The following ZFPM2 variants were observed in gnomAD, a reference collection of about 807,000 sequenced individuals.
The protein encoded by ZFPM2 is zinc finger protein, FOG family member 2, also known as zinc finger protein ZFPM2.
In ZFPM2, 20 loss-of-function variants were observed where a neutral mutation model predicts 98.6. The ratio of observed to expected loss-of-function variants is 0.20; its 90% confidence interval spans 0.14 to 0.29. The LOEUF (loss-of-function observed/expected upper bound fraction) is 0.29, where lower values mean the gene tolerates loss of function less well. Among genes scored for constraint, ZFPM2 ranks in the 10% least tolerant of loss-of-function variants. The pLI is 1.00. For synonymous variants in ZFPM2, 518 were observed against 502.7 expected, an observed-to-expected ratio of 1.03 and a Z score of -0.41; for missense variants, 1,310 against 1,388.6, an observed-to-expected ratio of 0.94 and a Z score of 0.90.
At position 105,419,407 on chromosome 8, in the gene ZFPM2, C is replaced by T. The variant is rs141007161; in HGVS notation, c.199+105C>T. Reference sequence around the variant, plus strand: ...TCAGAGTGCTGACACATAATTCAGCCGTCTGAAAATAAGTGCAGATTTTTT... The same window carrying T: ...TCAGAGTGCTGACACATAATTCAGCTGTCTGAAAATAAGTGCAGATTTTTT... On this transcript the variant is annotated intron_variant, in intron 2 of 7. Coordinates refer to ENST00000407775, the MANE Select transcript of ZFPM2 (RefSeq NM_012082.4). 519 of 1,359,444 alleles carry T rather than the reference C, an allele frequency of 3.8e-4. 1 individual carries two copies. The African/African-American group carries it at 6.3e-3, about 16-fold the overall frequency. 84.2% of individuals were successfully genotyped at this position (1,359,444 alleles called of 1,614,324 possible).
chr8:105,616,267 A>G (rs535112421), intron 4 of ZFPM2, among the ~76,000 whole-genome samples: 1 of 152,282 alleles, frequency 6.6e-6, no homozygotes, highest in African/African-American at 2.4e-5. Flanking sequence ...ATAGTAGTGT[A>G]TTATTTTATA....
chr8:105,432,694 A>T (rs1812044203), intron 2 of ZFPM2, among the ~76,000 whole-genome samples: 1 of 152,162 alleles, frequency 6.6e-6, no homozygotes, highest in African/African-American at 2.4e-5. Context: ...TCTTCCTCTG[A>T]TGGGAATGAT....
intron 4 of ZFPM2, among the ~76,000 whole-genome samples, chr8:105,614,670 C>T (rs896980751): frequency 4.6e-5 from 7 of 152,018 alleles, no homozygotes; most frequent in Non-Finnish European, 5.9e-5. Context: ...TATTGGAACG[C>T]GGGACCCTAT....
At chr8:105,319,329 ATTG>A (rs1333484093) in intron 1 of ZFPM2, among the ~76,000 whole-genome samples, 2 of 151,988 alleles carry the variant, frequency 1.3e-5, no homozygotes, top group African/African-American at 2.4e-5. Flanking sequence ...GACGCTTATT[ATTG>A]TTGTTGTCAT....
chr8:105,558,094 C>T (rs2130689252), intron 3 of ZFPM2, among the ~76,000 whole-genome samples: 1 of 152,148 alleles, frequency 6.6e-6, no homozygotes, highest in African/African-American at 2.4e-5. Context: ...GTGCAGTAAT[C>T]TTTCCTCTAT....
chr8:105,693,386 C>G (rs1033728421), intron 5 of ZFPM2, among the ~76,000 whole-genome samples: 1 of 152,152 alleles, frequency 6.6e-6, no homozygotes, highest in African/African-American at 2.4e-5. Context: ...CAGCTGCATC[C>G]TAAGTTACAT....
intron 1 of ZFPM2, among the ~76,000 whole-genome samples, chr8:105,363,053 A>C (rs1158357969): frequency 1.3e-5 from 2 of 152,322 alleles, no homozygotes; most frequent in African/African-American, 4.8e-5. Context: ...GATTCATGAA[A>C]GTGATCAAGA....
At chr8:105,381,794 A>AATT (rs1297414402) in intron 1 of ZFPM2, among the ~76,000 whole-genome samples, 2 of 152,162 alleles carry the variant, frequency 1.3e-5, no homozygotes, top group Non-Finnish European at 1.5e-5. Flanking sequence ...CTGAAGCTTC[A>AATT]AGTGTTTACG....
chr8:105,795,608 TA>T (rs200499086), intron 6 of ZFPM2: 11,580 of 169,830 alleles, frequency 0.068, 93 homozygotes, highest in South Asian at 0.16. Context: ...GCAAAAAGGT[TA>T]AAAAAAAAAA....
At chr8:105,383,948 A>G (rs1810936378) in intron 1 of ZFPM2, among the ~76,000 whole-genome samples, 1 of 152,176 alleles carries the variant, frequency 6.6e-6, no homozygotes, top group Admixed American at 6.5e-5. Flanking sequence ...CTGCCTAGGT[A>G]TTAATATAAA....
At chr8:105,354,399 C>A (rs1201160084) in intron 1 of ZFPM2, among the ~76,000 whole-genome samples, 1 of 152,192 alleles carries the variant, frequency 6.6e-6, no homozygotes, top group Non-Finnish European at 1.5e-5. Flanking sequence ...AAAGATTTAG[C>A]TGATCCATAA....
chr8:105,441,420 AAAAG>A lies in ZFPM2; in HGVS notation c.200-2846_200-2843del, dbSNP rs1332057816. 1.3e-4 allele frequency among the ~76,000 whole-genome samples: 15 copies of A among 118,896 alleles called. 1 individual carries two copies. The highest frequency in any genetic ancestry group is 3.7e-4 in the Admixed American group (4 of 10,924). 78.0% of individuals were successfully genotyped at this position (118,896 alleles called of 152,430 possible). On this transcript the variant is annotated intron_variant, in intron 2 of 7. Coordinates refer to ENST00000407775, the MANE Select transcript of ZFPM2 (RefSeq NM_012082.4). ...AGTGAAAACTCTGTCTCAACAAAAAAAAAGAAAGAAAGAAAGAGAGAGAGAGAGA... is the reference window on the plus strand; with the variant it reads ...AGTGAAAACTCTGTCTCAACAAAAAAAAAGAAAGAAAGAGAGAGAGAGAGA...
intron 2 of ZFPM2, among the ~76,000 whole-genome samples, chr8:105,421,156 C>T (rs1258445016): frequency 6.6e-6 from 1 of 151,898 alleles, no homozygotes; most frequent in Non-Finnish European, 1.5e-5. Flanking sequence ...AGTCTTAACT[C>T]ATGAAAAATA....
intron 5 of ZFPM2, among the ~76,000 whole-genome samples, chr8:105,724,340 A>T (rs991854466): frequency 6.6e-6 from 1 of 151,874 alleles, no homozygotes; most frequent in Non-Finnish European, 1.5e-5. Flanking sequence ...TCTATGATAT[A>T]TATCAAGCAA....
intron 1 of ZFPM2, among the ~76,000 whole-genome samples, chr8:105,360,628 C>T: frequency 7.5e-6 from 1 of 133,998 alleles, no homozygotes; most frequent in Non-Finnish European, 1.6e-5. Context: ...CCCCCCTCCC[C>T]CGACCCCACA....
At chr8:105,697,154 C>T (rs1231427932) in intron 5 of ZFPM2, among the ~76,000 whole-genome samples, 1 of 152,172 alleles carries the variant, frequency 6.6e-6, no homozygotes, top group East Asian at 1.9e-4. Context: ...TGCAGTCTTA[C>T]TGTGATACTT....
At chr8:105,675,843 C>T (rs1810443566) in intron 5 of ZFPM2, 1 of 152,122 alleles carries the variant, frequency 6.6e-6, no homozygotes, top group Non-Finnish European at 1.5e-5. Flanking sequence ...ACTTTATAAT[C>T]TTTCTTTTTA....
intron 5 of ZFPM2, among the ~76,000 whole-genome samples, chr8:105,648,641 T>C (rs1053838594): frequency 6.6e-6 from 1 of 152,208 alleles, no homozygotes; most frequent in African/African-American, 2.4e-5. Context: ...GGGAATCCTT[T>C]CCCCATTTCT....
At chr8:105,456,580 G>A (rs1812597124) in intron 3 of ZFPM2, among the ~76,000 whole-genome samples, 1 of 152,044 alleles carries the variant, frequency 6.6e-6, no homozygotes, top group Non-Finnish European at 1.5e-5. Context: ...AGAGAAATTT[G>A]TATTCCTGTA....
Sources: allele counts gnomAD v4.1 joint callset (sites outside exome capture counted in the v4.1 genomes callset), GRCh38; gene constraint gnomAD v4.1.1; transcripts MANE v1.5; gene names NCBI Gene and HGNC (gene_info 2026-07-23, HGNC 2026-07-21).